The following LRRC40 variants were observed in gnomAD, a reference collection of about 807,000 sequenced individuals.
LRRC40 encodes the protein leucine-rich repeat-containing protein 40.
A neutral mutation model predicts 72.8 loss-of-function variants in LRRC40; 76 were observed. That is an observed-to-expected ratio of 1.04 (90% confidence interval 0.87 to 1.26). The LOEUF is 1.26. Among genes scored for constraint, LRRC40 ranks in the 50% most tolerant of loss-of-function variants. The pLI, the probability that LRRC40 is intolerant of heterozygous loss-of-function variation, is 0.00. For missense variants in LRRC40, 684 were observed against 698.9 expected (o/e 0.98, Z 0.24); for synonymous variants, 243 against 254.2 (o/e 0.96, Z 0.42).
intron 3 of LRRC40, among the ~76,000 whole-genome samples, chr1:70,185,282 T>C (rs1031447044): frequency 4.6e-5 from 7 of 152,228 alleles, no homozygotes; most frequent in Non-Finnish European, 1.0e-4. Flanking sequence ...CCCACACAAA[T>C]TTCATCTTGA....
intron 1 of LRRC40, among the ~76,000 whole-genome samples, chr1:70,200,103 CA>C (rs1323667821): frequency 6.6e-6 from 1 of 152,034 alleles, no homozygotes; most frequent in Non-Finnish European, 1.5e-5. Flanking sequence ...CAAGAATCAA[CA>C]GAATTTTAAC....
At chr1:70,153,396 C>T (rs1242410934) in intron 11 of LRRC40, among the ~76,000 whole-genome samples, 1 of 150,906 alleles carries the variant, frequency 6.6e-6, no homozygotes, top group African/African-American at 2.4e-5. Context: ...AGTTAAATTA[C>T]AACTTAGTCT....
chr1:70,198,346 A>T (rs922787976), intron 1 of LRRC40, among the ~76,000 whole-genome samples: 3 of 152,184 alleles, frequency 2.0e-5, no homozygotes, highest in African/African-American at 7.2e-5. Context: ...TTTCCATTAG[A>T]ATTTACAGTA....
intron 9 of LRRC40, among the ~76,000 whole-genome samples, chr1:70,165,418 T>C (rs1195914281): frequency 1.3e-5 from 2 of 152,206 alleles, no homozygotes; most frequent in Non-Finnish European, 2.9e-5. Context: ...TGGACCACAT[T>C]TCTACATTTG....
rs749695060 is a variant in LRRC40 at position 70,173,522 on chromosome 1, G to GAACACA, written c.1066-13_1066-12insTGTGTT. ...TCTTGTGTTCCTTTCTAGAAGGGTGGAGACAAAGACATTCACCAAGACATG... is the reference window on the plus strand; with the variant it reads ...TCTTGTGTTCCTTTCTAGAAGGGTGGAACACAAGACAAAGACATTCACCAAGACATG... On this transcript the variant is annotated splice_polypyrimidine_tract_variant and intron_variant, in intron 8 of 14. Coordinates refer to ENST00000370952, the MANE Select transcript of LRRC40 (RefSeq NM_017768.5). 20 of 1,601,426 alleles carry GAACACA rather than the reference G, an allele frequency of 1.2e-5. No individual in the cohort carries two copies. In the East Asian group the frequency reaches 4.5e-4, roughly 36 times the overall value.
intron 9 of LRRC40, 111 bp downstream of exon 9, chr1:70,173,354 G>A: frequency 1.4e-6 from 1 of 721,060 alleles, no homozygotes; most frequent in Non-Finnish European, 2.4e-6. Context: ...CACATGCCAG[G>A]ATCTATTACT....
chr1:70,149,530 G>A (rs1211135651), intron 13 of LRRC40, among the ~76,000 whole-genome samples: 1 of 152,146 alleles, frequency 6.6e-6, no homozygotes, highest in Non-Finnish European at 1.5e-5. Flanking sequence ...ATAATCACCT[G>A]ATAACACGGA....
chr1:70,187,838 G>GAAAGAGAAGA, intron 2 of LRRC40, among the ~76,000 whole-genome samples: 1 of 123,790 alleles, frequency 8.1e-6, no homozygotes, highest in Admixed American at 8.2e-5. Flanking sequence ...CTCAAAAAAT[G>GAAAGAGAAGA]GAAGAGAAGA....
At chr1:70,159,193 T>C in intron 10 of LRRC40, 137 bp downstream of exon 10, 1 of 397,892 alleles carries the variant, frequency 2.5e-6, no homozygotes, top group Middle Eastern at 6.5e-4. Flanking sequence ...CCAAGCATGG[T>C]AGCTCAAGCC....
rs1668320101 is a variant in LRRC40 at position 70,184,663 on chromosome 1, A to C, written c.537+122T>G. 4 of 937,712 alleles carry C rather than the reference A, an allele frequency of 4.3e-6. No individual in the cohort carries two copies. In the South Asian group the frequency reaches 6.1e-5, roughly 14 times the overall value. 58.1% of individuals were successfully genotyped at this position (937,712 alleles called of 1,614,324 possible). On this transcript the variant is annotated intron_variant, in intron 4 of 14. Transcript: ENST00000370952. The stretch of plus-strand genomic sequence containing the variant: ...TCTTATTGAAATGCACATTTCTGAT[A>C]ATCTAATCACAAAATCAGCTGTCCA...
rs1667372452 is a variant in LRRC40, at chr1:70,148,475, T to G, written c.1703+12A>C. 1 of 1,588,216 alleles carries G rather than the reference T, an allele frequency of 6.3e-7. No homozygotes were observed. Among genetic ancestry groups the G allele is most frequent in the Non-Finnish European group, 8.6e-7 (1 of 1,159,758 alleles). Reference sequence around the variant, plus strand: ...AAATAAATGAAACAATGCAGTAGAATGGTGTAGTTACCTTAAGTTTACACA... The same window carrying G: ...AAATAAATGAAACAATGCAGTAGAAGGGTGTAGTTACCTTAAGTTTACACA... On this transcript the variant is annotated intron_variant, in intron 14 of 14. Coordinates refer to ENST00000370952, the MANE Select transcript of LRRC40 (RefSeq NM_017768.5).
intron 9 of LRRC40, among the ~76,000 whole-genome samples, chr1:70,159,878 C>T (rs1258548649): frequency 1.3e-5 from 2 of 152,166 alleles, no homozygotes; most frequent in Non-Finnish European, 2.9e-5. Flanking sequence ...TGATTATCCT[C>T]AATCACTTGA....
intron 9 of LRRC40, among the ~76,000 whole-genome samples, chr1:70,172,889 A>C (rs1176372077): frequency 6.6e-6 from 1 of 151,690 alleles, no homozygotes; most frequent in African/African-American, 2.4e-5. Context: ...TCGTACAACT[A>C]CTTTTTTTTT....
In LRRC40 at chr1:70,183,750, T is replaced by G. The variant is rs1466356449; in HGVS notation, c.537+1035A>C. ...GTATTCTTTGTAGAGACAGGTTTTT[T>G]GCCATGTTTTCCAGGCTGGTCTCGA... On this transcript the variant is annotated intron_variant, in intron 4 of 14. Transcript: ENST00000370952. 1.3e-5 allele frequency among the ~76,000 whole-genome samples: 2 copies of G among 151,984 alleles called. 1 individual carries two copies. Among genetic ancestry groups the G allele is most frequent in the East Asian group, 3.9e-4 (2 of 5,144 alleles).
chr1:70,148,996 ATTC>A (rs1558106794), intron 13 of LRRC40, among the ~76,000 whole-genome samples: 1 of 152,212 alleles, frequency 6.6e-6, no homozygotes, highest in Admixed American at 6.5e-5. Context: ...CCATGTAGGT[ATTC>A]TTCCTTTCAC....
rs1270907690 is a variant in LRRC40, at chr1:70,152,565, A to G, written c.1329-22T>C. On this transcript the variant is annotated intron_variant, in intron 11 of 14. Transcript: ENST00000370952. ...CATCCTGAAACAAAAATAATTTTAA[A>G]ATGTTAGCACTTGAATTCACTGCCA... 3 of 1,306,498 alleles carry G rather than the reference A, an allele frequency of 2.3e-6. No individual in the cohort carries two copies. The Admixed American group carries it at 5.2e-5, about 23-fold the overall frequency. 80.9% of individuals were successfully genotyped at this position (1,306,498 alleles called of 1,614,324 possible). A position where few individuals can be genotyped will look rare whatever the true frequency, so the allele number is the denominator to read the frequency against.
intron 12 of LRRC40, 152 bp from the exon 13 acceptor site, chr1:70,151,357 G>T (rs2421478): frequency 1.7e-6 from 1 of 594,706 alleles, no homozygotes. Context: ...TGAGAATTCT[G>T]AATCAGTCAC....
In LRRC40 at chr1:70,173,725, T is replaced by A; in HGVS notation, c.978-16A>T. 1 of 1,305,982 alleles carries A rather than the reference T, an allele frequency of 7.7e-7. No homozygotes were observed. Among genetic ancestry groups the A allele is most frequent in the Non-Finnish European group, 1.1e-6 (1 of 940,188 alleles). 80.9% of individuals were successfully genotyped at this position (1,305,982 alleles called of 1,614,324 possible). A position where few individuals can be genotyped will look rare whatever the true frequency, so the allele number is the denominator to read the frequency against. ...ATAGGGAAGACTATAAAAGATTAAA[T>A]TGATTTCAGGGAAAGCATCAAATAT... On this transcript the variant is annotated splice_polypyrimidine_tract_variant and intron_variant, in intron 7 of 14. Coordinates refer to ENST00000370952, the MANE Select transcript of LRRC40 (RefSeq NM_017768.5).
chr1:70,204,518 ACT>A lies in LRRC40; in HGVS notation c.151+870_151+871del, dbSNP rs1333992971. Among the ~76,000 whole-genome samples, 6 of 151,976 alleles carry A rather than the reference ACT, an allele frequency of 3.9e-5. No homozygotes were observed. In the East Asian group the frequency reaches 1.2e-3, roughly 29 times the overall value. ...ATGAGTATGTTCCCATTGATCAAAA[ACT>A]CTTTTAGGTGGAGTAAGGATTCTGT... On this transcript the variant is annotated intron_variant, in intron 1 of 14. Coordinates refer to ENST00000370952, the MANE Select transcript of LRRC40 (RefSeq NM_017768.5).
Sources: gnomAD v4.1 joint callset for allele counts (sites outside exome capture counted in the v4.1 genomes callset) on GRCh38, gnomAD v4.1.1 for gene constraint, MANE v1.5 for transcripts, NCBI Gene and HGNC (gene_info 2026-07-23, HGNC 2026-07-21) for gene names.